Variants in RBP7 observed in about 807,000 individuals in gnomAD.
RBP7 encodes retinol binding protein 7.
RBP7 carries 13 observed loss-of-function variants against 16.7 expected under a neutral mutation model. The observed-to-expected ratio is 0.78, with a 90% CI of 0.51 to 1.24. The LOEUF (loss-of-function observed/expected upper bound fraction) is 1.24. Among genes scored for constraint, RBP7 ranks in the 50% most tolerant of loss-of-function variants. The probability of loss-of-function intolerance (pLI) is 0.00; values close to 1 mark genes in which losing one functional copy is unlikely to be tolerated. For synonymous variants in RBP7, 54 were observed against 56.2 expected, an observed-to-expected ratio of 0.96 and a Z score of 0.17; for missense variants, 145 against 159.5, an observed-to-expected ratio of 0.91 and a Z score of 0.49.
At chr1:10,001,823 T>TTATG (rs1416963672) in intron 1 of RBP7, among the ~76,000 whole-genome samples, 4 of 151,014 alleles carry the variant, frequency 2.6e-5, no homozygotes. Flanking sequence ...ATTTATTTAT[T>TTATG]TATTTATTTA....
intron 1 of RBP7, among the ~76,000 whole-genome samples, chr1:10,003,135 A>G (rs1410124349): frequency 1.3e-5 from 2 of 152,102 alleles, no homozygotes; most frequent in Non-Finnish European, 2.9e-5. Flanking sequence ...GTCTGCATAA[A>G]CCACCCGTTA....
intron 1 of RBP7, among the ~76,000 whole-genome samples, chr1:10,006,147 TC>T (rs1293777758): frequency 6.6e-6 from 1 of 152,188 alleles, no homozygotes; most frequent in African/African-American, 2.4e-5. Flanking sequence ...GAACTGGGAT[TC>T]CAAACCCTGA....
intron 1 of RBP7, among the ~76,000 whole-genome samples, chr1:9,999,208 C>G (rs1570727989): frequency 6.6e-6 from 1 of 152,070 alleles, no homozygotes; most frequent in Admixed American, 6.6e-5. Context: ...TGAGGCTTCC[C>G]CAGCCACGTG....
intron 3 of RBP7, among the ~76,000 whole-genome samples, chr1:10,013,601 G>C (rs528679498): frequency 1.2e-4 from 18 of 152,030 alleles, no homozygotes; most frequent in African/African-American, 3.9e-4. Flanking sequence ...CTGACGTTAG[G>C]AGTTGGAAAC....
chr1:9,999,729 G>C (rs1642230801), intron 1 of RBP7, among the ~76,000 whole-genome samples: 1 of 151,322 alleles, frequency 6.6e-6, no homozygotes, highest in Non-Finnish European at 1.5e-5. Context: ...AAAGTACTAA[G>C]TACTTACATC....
At chr1:10,008,566 G>A (rs557720773) in intron 3 of RBP7, among the ~76,000 whole-genome samples, 17 of 150,618 alleles carry the variant, frequency 1.1e-4, no homozygotes, top group East Asian at 2.0e-4. Flanking sequence ...TCAGCCTCCC[G>A]AGTAGCTGGG....
chr1:10,008,275 G>A lies in RBP7; in HGVS notation c.354+1G>A. The A allele has an allele frequency of 1.9e-6, 3 of 1,582,492 alleles. No individual in the cohort carries two copies. In the South Asian group the frequency reaches 3.3e-5, roughly 18 times the overall value. Reference sequence around the variant, plus strand: ...GATCGAAGGAGACAAACTCCACCTGGTATCCACCACATTTTGTTCTTAATG... The same window carrying A: ...GATCGAAGGAGACAAACTCCACCTGATATCCACCACATTTTGTTCTTAATG... On this transcript the variant is annotated splice_donor_variant, in intron 3 of 3. Coordinates refer to ENST00000294435, the MANE Select transcript of RBP7 (RefSeq NM_052960.3). LOFTEE classifies it high-confidence loss of function.
chr1:10,011,834 A>C (rs1444094869), intron 3 of RBP7, among the ~76,000 whole-genome samples: 1 of 152,142 alleles, frequency 6.6e-6, no homozygotes, highest in Non-Finnish European at 1.5e-5. Flanking sequence ...AGGCAGGCGG[A>C]TCACCTGAGG....
chr1:9,999,814 C>CT lies in RBP7; in HGVS notation c.73+2505dup, dbSNP rs70998341. ...GTTGTTTACATAATACTGTAATACT[C>CT]TTTTTTTTTTTTTTTTTTTTTTAGA... On this transcript the variant is annotated intron_variant, in intron 1 of 3. Transcript: ENST00000294435. Among the ~76,000 whole-genome samples the CT allele has an allele frequency of 2.4e-3, 258 of 105,794 alleles. 2 individuals carry two copies. The highest frequency in any genetic ancestry group is 6.2e-3 in the African/African-American group (215 of 34,864). The allele number at this position is 105,794 out of a possible 152,430, so 69.4% of individuals were successfully genotyped here. A position where few individuals can be genotyped will look rare whatever the true frequency, so the allele number is the denominator to read the frequency against.
intron 1 of RBP7, among the ~76,000 whole-genome samples, chr1:10,002,150 C>T (rs1642296176): frequency 1.3e-5 from 2 of 152,044 alleles, no homozygotes; most frequent in South Asian, 4.2e-4. Flanking sequence ...TTAAAGGGAT[C>T]CCTTCTTGCC....
chr1:9,999,259 C>A (rs947722254), intron 1 of RBP7, among the ~76,000 whole-genome samples: 1 of 152,006 alleles, frequency 6.6e-6, no homozygotes, highest in South Asian at 2.1e-4. Context: ...ATAAGTTACC[C>A]ACTCTTGCCA....
intron 3 of RBP7, among the ~76,000 whole-genome samples, chr1:10,012,820 G>C (rs1399061541): frequency 6.6e-6 from 1 of 150,886 alleles, no homozygotes; most frequent in Non-Finnish European, 1.5e-5. Flanking sequence ...TGTAATCCCA[G>C]CTACTCGGGA....
At position 9,999,879 on chromosome 1, in the gene RBP7, G is replaced by A. The variant is rs528481707; in HGVS notation, c.73+2548G>A. 2.7e-4 allele frequency among the ~76,000 whole-genome samples: 40 copies of A among 146,692 alleles called. No homozygotes were observed. The East Asian group carries it at 2.8e-3, about 10-fold the overall frequency. On this transcript the variant is annotated intron_variant, in intron 1 of 3. Transcript: ENST00000294435. ...ATTGCCTAGGCTGGAGTGCAGTGGC[G>A]CGATCTCGGTGTGAGCCACTGTGCC...
intron 1 of RBP7, among the ~76,000 whole-genome samples, chr1:10,002,822 A>G (rs1332386864): frequency 2.6e-5 from 4 of 152,148 alleles, no homozygotes; most frequent in Non-Finnish European, 5.9e-5. Context: ...ATGCTAATTC[A>G]AAGTAAATTT....
At chr1:10,002,620 C>T (rs1030830576) in intron 1 of RBP7, among the ~76,000 whole-genome samples, 1 of 152,140 alleles carries the variant, frequency 6.6e-6, no homozygotes, top group Non-Finnish European at 1.5e-5. Flanking sequence ...CCACCTCAGC[C>T]TCCCCAGCAG....
intron 3 of RBP7, among the ~76,000 whole-genome samples, chr1:10,010,784 A>G (rs1022550169): frequency 6.9e-6 from 1 of 145,902 alleles, no homozygotes; most frequent in Admixed American, 6.7e-5. Flanking sequence ...GGGTTTCTCC[A>G]TGTTGGTCAG....
chr1:10,001,879 A>G (rs571477036), intron 1 of RBP7, among the ~76,000 whole-genome samples: 6 of 151,686 alleles, frequency 4.0e-5, no homozygotes, highest in Admixed American at 2.0e-4. Flanking sequence ...CCCAGTCTGG[A>G]GTGCAGTGGC....
In RBP7 at chr1:9,997,404, C is replaced by A; in HGVS notation, c.73+73C>A. 1.4e-6 allele frequency: 2 copies of A among 1,468,662 alleles called. No homozygotes were observed. The highest frequency in any genetic ancestry group is 1.9e-6 in the Non-Finnish European group (2 of 1,056,402). The allele number at this position is 1,468,662 out of a possible 1,614,324, so 91.0% of individuals were successfully genotyped here. A position where few individuals can be genotyped will look rare whatever the true frequency, so the allele number is the denominator to read the frequency against. On this transcript the variant is annotated intron_variant, in intron 1 of 3. Transcript: ENST00000294435. This position sits in a 1 kb window ranked among gnomAD's most constrained non-coding sequence, Gnocchi z 5.9. ...CGGGATCAGGCGAAGGCGGCCGGGC[C>A]GGGCCTGTAGGTACGTCCTCTGTCC...
chr1:10,000,555 C>CA lies in RBP7; in HGVS notation c.73+3235dup, dbSNP rs112965091. 5.5e-4 allele frequency among the ~76,000 whole-genome samples: 75 copies of CA among 137,548 alleles called. 1 individual carries two copies. Among genetic ancestry groups the CA allele is most frequent in the South Asian group, 1.2e-3 (5 of 4,322 alleles). The allele number at this position is 137,548 out of a possible 152,430, so 90.2% of individuals were successfully genotyped here. Reference sequence around the variant, plus strand: ...TCTCAAAAAAAATAAGTCAATAAGACAAAAAAAAAAATTCAGCTAGCAATC... The same window carrying CA: ...TCTCAAAAAAAATAAGTCAATAAGACAAAAAAAAAAAATTCAGCTAGCAATC... On this transcript the variant is annotated intron_variant, in intron 1 of 3. Transcript: ENST00000294435.
Sources: gnomAD v4.1 joint callset for allele counts (sites outside exome capture counted in the v4.1 genomes callset) on GRCh38, gnomAD v4.1.1 for gene constraint, Gnocchi (gnomAD v3.1) non-coding constraint, MANE v1.5 for transcripts, NCBI Gene and HGNC (gene_info 2026-07-23, HGNC 2026-07-21) for gene names.